The following RARS2 variants were observed in gnomAD, a reference collection of about 807,000 sequenced individuals.
RARS2 encodes probable arginine--tRNA ligase, mitochondrial.
A neutral mutation model predicts 88.5 loss-of-function variants in RARS2; 67 were observed. The ratio of observed to expected loss-of-function variants is 0.76; its 90% CI spans 0.62 to 0.93. The LOEUF (loss-of-function observed/expected upper bound fraction) is 0.93. Ranked by LOEUF, RARS2 falls within the 40% of genes least tolerant of loss-of-function variation. RARS2 has a pLI of 0.00. For synonymous variants in RARS2, 239 were observed against 230.3 expected (o/e 1.04, Z -0.34); for missense variants, 664 against 684.2 (o/e 0.97, Z 0.33).
chr6:87,554,105 A>T (rs1035418680), intron 5 of RARS2, among the ~76,000 whole-genome samples: 32 of 152,236 alleles, frequency 2.1e-4, no homozygotes, highest in Admixed American at 3.3e-4. Context: ...AATCTTCCAC[A>T]GACATAAATA....
chr6:87,545,533 T>C, intron 7 of RARS2, 83 bp downstream of exon 7: 1 of 1,577,158 alleles, frequency 6.3e-7, no homozygotes, highest in Non-Finnish European at 8.6e-7. Context: ...CCAATGGGAT[T>C]CTGCCTATAT....
chr6:87,561,074 T>C (rs1787715068), intron 4 of RARS2, among the ~76,000 whole-genome samples: 1 of 152,210 alleles, frequency 6.6e-6, no homozygotes, highest in African/African-American at 2.4e-5. Context: ...AGTATTATCC[T>C]ACTTATTAAA....
chr6:87,569,334 A>G lies in RARS2; in HGVS notation c.110+183T>C, dbSNP rs76966269. Among the ~76,000 whole-genome samples, 359 of 152,336 alleles carry G rather than the reference A, an allele frequency of 2.4e-3. 2 individuals are homozygous for G. The highest frequency in any genetic ancestry group is 4.2e-3 in the Non-Finnish European group (285 of 68,016). On this transcript the variant is annotated intron_variant, in intron 2 of 19. Coordinates refer to ENST00000369536, the MANE Select transcript of RARS2 (RefSeq NM_020320.5). ...TCTGCCATATCAGAGTATTTAAAAT[A>G]CAGATTTTAATTTTATTATTTAAGT...
chr6:87,588,467 G>A (rs932150840), intron 1 of RARS2, among the ~76,000 whole-genome samples: 6 of 152,030 alleles, frequency 3.9e-5, no homozygotes, highest in Non-Finnish European at 5.9e-5. Flanking sequence ...TCGTGGGTCC[G>A]TCCAAGTGAT....
intron 1 of RARS2, among the ~76,000 whole-genome samples, chr6:87,584,488 A>G (rs142553349): frequency 1.3e-5 from 2 of 152,322 alleles, no homozygotes; most frequent in East Asian, 3.9e-4. Context: ...TAGTTATTAT[A>G]ATCTTCAACA....
intron 10 of RARS2, among the ~76,000 whole-genome samples, chr6:87,527,625 G>A (rs1776178843): frequency 6.6e-6 from 1 of 152,118 alleles, no homozygotes; most frequent in African/African-American, 2.4e-5. Context: ...ACAACCTAGA[G>A]GATTAAAGAA....
intron 3 of RARS2, among the ~76,000 whole-genome samples, chr6:87,562,986 A>T (rs1053394041): frequency 1.3e-5 from 2 of 151,958 alleles, no homozygotes; most frequent in African/African-American, 4.8e-5. Flanking sequence ...CCCAACTAAC[A>T]TGCTATTCTG....
chr6:87,539,058 G>GAATAAATAAATAAATAAATA (rs71018032), intron 8 of RARS2, among the ~76,000 whole-genome samples: 3 of 150,442 alleles, frequency 2.0e-5, no homozygotes, highest in African/African-American at 7.4e-5. Flanking sequence ...ATAAATAAAT[G>GAATAAATAAATAAATAAATA]AATAAATAAA....
chr6:87,559,511 C>T (rs939342649), intron 4 of RARS2, among the ~76,000 whole-genome samples: 11 of 148,402 alleles, frequency 7.4e-5, no homozygotes, highest in East Asian at 2.0e-4. Context: ...CTTGCTGTGT[C>T]ACCCAGGCTG....
At chr6:87,521,662 A>G (rs1773898459) in intron 11 of RARS2, 138 bp from the exon 12 acceptor site, 2 of 652,252 alleles carry the variant, frequency 3.1e-6, no homozygotes, top group Non-Finnish European at 5.5e-6. Flanking sequence ...ACCCACACTT[A>G]GATAATCCGA....
intron 4 of RARS2, among the ~76,000 whole-genome samples, chr6:87,556,723 C>T (rs1462281450): frequency 1.4e-5 from 2 of 141,142 alleles, no homozygotes; most frequent in African/African-American, 2.7e-5. Flanking sequence ...ACCTGGGAAG[C>T]AGAGGTTGCA....
chr6:87,521,878 T>C (rs1023975441), intron 11 of RARS2, among the ~76,000 whole-genome samples: 1 of 152,224 alleles, frequency 6.6e-6, no homozygotes, highest in Non-Finnish European at 1.5e-5. Context: ...CTAAAAAGAA[T>C]CACCTGTTAC....
At position 87,516,853 on chromosome 6, in the gene RARS2, A is replaced by C. The variant is rs1227706581; in HGVS notation, c.1539T>G (p.Ser513=). Reference sequence around the variant, plus strand: ...CGATATGCCTGGGTTGAAAGTCCTGAGATGATTTATAAAGCACCTCGTCGA... The same window carrying C: ...CGATATGCCTGGGTTGAAAGTCCTGCGATGATTTATAAAGCACCTCGTCGA... The part of the protein sequence containing the change: ...LRFDEVLYKS[S]QDFQPRHIVS... The change falls in exon 18 of 20, where the codon TCT becomes TCG. Residue 513 remains serine (S), a synonymous_variant. Coordinates refer to ENST00000369536, the MANE Select transcript of RARS2 (RefSeq NM_020320.5). 1 of 1,613,792 alleles carries C rather than the reference A, an allele frequency of 6.2e-7. No homozygotes were observed. The highest frequency in any genetic ancestry group is 1.3e-5 in the African/African-American group (1 of 74,926).
At chr6:87,546,912 C>T (rs1419203387) in intron 6 of RARS2, among the ~76,000 whole-genome samples, 3 of 152,168 alleles carry the variant, frequency 2.0e-5, no homozygotes, top group Non-Finnish European at 4.4e-5. Context: ...TGGCATATTC[C>T]TATTTTTTTC....
In RARS2 at chr6:87,514,203, C is replaced by T. The variant is rs1770767621; in HGVS notation, c.*210G>A. ...GCACGTGCCTGTAATCCCAGCTACT[C>T]AGGAGGCTGAGGCAGGAGAATTGCT... is the stretch of plus-strand genomic sequence containing the variant. On this transcript the variant is annotated 3_prime_UTR_variant, in exon 20 of 20. Coordinates refer to ENST00000369536, the MANE Select transcript of RARS2 (RefSeq NM_020320.5). 6.6e-6 allele frequency among the ~76,000 whole-genome samples: 1 copy of T among 151,460 alleles called. No individual in the cohort carries two copies.
intron 8 of RARS2, among the ~76,000 whole-genome samples, chr6:87,533,493 A>G (rs928926060): frequency 6.6e-6 from 1 of 152,202 alleles, no homozygotes; most frequent in East Asian, 1.9e-4. Context: ...TTTTAAGGCT[A>G]AATTTAGACA....
chr6:87,525,554 T>C (rs1343188075), intron 10 of RARS2, among the ~76,000 whole-genome samples: 1 of 151,682 alleles, frequency 6.6e-6, no homozygotes, highest in Non-Finnish European at 1.5e-5. Flanking sequence ...TTTTTCTTTT[T>C]TTTTTTTTTG....
At chr6:87,537,243 T>C (rs141925764) in intron 8 of RARS2, among the ~76,000 whole-genome samples, 1 of 152,212 alleles carries the variant, frequency 6.6e-6, no homozygotes, top group Non-Finnish European at 1.5e-5. Context: ...ACTAATTGTG[T>C]CCCTGGTATA....
chr6:87,514,887 T>C, intron 19 of RARS2, 70 bp downstream of exon 19: 1 of 1,324,516 alleles, frequency 7.5e-7, no homozygotes, highest in Admixed American at 1.7e-5. Flanking sequence ...TAGAAAAATT[T>C]ACAAGACTGA....
Sources: allele counts gnomAD v4.1 joint callset (sites outside exome capture counted in the v4.1 genomes callset), GRCh38; gene constraint gnomAD v4.1.1; transcripts MANE v1.5; gene names NCBI Gene and HGNC (gene_info 2026-07-23, HGNC 2026-07-21).